Variants in TRIM9 observed in about 807,000 individuals in gnomAD.
TRIM9 encodes the protein E3 ubiquitin-protein ligase TRIM9.
Under a neutral mutation model 78.3 loss-of-function variants are expected in TRIM9, and 26 were observed. That is an observed-to-expected ratio of 0.33 (90% CI 0.24 to 0.46). The LOEUF is 0.46. Ranked by LOEUF, TRIM9 falls within the 20% of genes least tolerant of loss-of-function variation. The probability of loss-of-function intolerance (pLI) is 1.00; values close to 1 mark genes in which losing one functional copy is unlikely to be tolerated. For missense variants in TRIM9, 787 were observed against 1,036.4 expected, an observed-to-expected ratio of 0.76 and a Z score of 3.30; for synonymous variants, 398 against 416.5, an observed-to-expected ratio of 0.96 and a Z score of 0.54.
intron 1 of TRIM9, 102 bp downstream of exon 1, chr14:51,094,016 C>G (rs1420814558): frequency 4.1e-6 from 5 of 1,216,174 alleles, no homozygotes; most frequent in Non-Finnish European, 5.8e-6. Flanking sequence ...CTGCATTGCG[C>G]CCCCACTGGG....
chr14:51,026,904 T>C (rs2058282203), intron 1 of TRIM9, among the ~76,000 whole-genome samples: 1 of 152,212 alleles, frequency 6.6e-6, no homozygotes, highest in Admixed American at 6.5e-5. Flanking sequence ...CATTAATCAA[T>C]GTGAAAGCTT....
chr14:51,043,031 G>C (rs190856319), intron 1 of TRIM9, among the ~76,000 whole-genome samples: 1 of 152,168 alleles, frequency 6.6e-6, no homozygotes, highest in Non-Finnish European at 1.5e-5. Context: ...TTGCTTATAA[G>C]AGGTCCTAAA....
intron 7 of TRIM9, among the ~76,000 whole-genome samples, chr14:50,993,371 CTTT>C (rs35659590): frequency 2.8e-5 from 4 of 144,244 alleles, no homozygotes; most frequent in Admixed American, 6.9e-5. Context: ...CAACAAGACT[CTTT>C]TTTTTTTTTT....
intron 11 of TRIM9, 100 bp from the exon 12 acceptor site, chr14:50,979,649 A>G: frequency 1.0e-6 from 1 of 974,226 alleles, no homozygotes; most frequent in Non-Finnish European, 1.6e-6. Context: ...CCTGTTTATA[A>G]TCATCACTAC....
At chr14:51,000,525 A>G (rs1322381043) in intron 6 of TRIM9, among the ~76,000 whole-genome samples, 158 bp downstream of exon 6, 1 of 152,206 alleles carries the variant, frequency 6.6e-6, no homozygotes, top group East Asian at 1.9e-4. Flanking sequence ...CCTTCACGGT[A>G]GAGGGAGAAA....
intron 8 of TRIM9, among the ~76,000 whole-genome samples, chr14:50,985,277 C>T (rs1250432865): frequency 6.6e-6 from 1 of 152,170 alleles, no homozygotes; most frequent in African/African-American, 2.4e-5. Flanking sequence ...TTACTCAGAT[C>T]TTTGGTCATT....
At chr14:51,058,960 A>G (rs2061116637) in intron 1 of TRIM9, among the ~76,000 whole-genome samples, 1 of 152,226 alleles carries the variant, frequency 6.6e-6, no homozygotes, top group Non-Finnish European at 1.5e-5. Context: ...AGAAGGAAAG[A>G]AGGGTTGCGG....
At chr14:51,023,854 TG>T (rs2057987967) in intron 2 of TRIM9, among the ~76,000 whole-genome samples, 1 of 152,368 alleles carries the variant, frequency 6.6e-6, no homozygotes, top group South Asian at 2.1e-4. Context: ...TTGAGTAAAC[TG>T]TAAACTTTTG....
intron 7 of TRIM9, among the ~76,000 whole-genome samples, chr14:50,989,405 G>A (rs1355369749): frequency 6.6e-6 from 1 of 152,146 alleles, no homozygotes; most frequent in Non-Finnish European, 1.5e-5. Flanking sequence ...ATCACAATAT[G>A]GAGAAGGCTT....
intron 8 of TRIM9, among the ~76,000 whole-genome samples, chr14:50,984,956 T>C (rs749292549): frequency 1.3e-5 from 2 of 152,232 alleles, no homozygotes; most frequent in Non-Finnish European, 2.9e-5. Context: ...TAAAGACAGC[T>C]TGAAGTCCCT....
chr14:51,010,419 C>T lies in TRIM9; in HGVS notation c.1117G>A (p.Val373Met). 1 of 1,613,994 alleles carries T rather than the reference C, an allele frequency of 6.2e-7. No individual in the cohort carries two copies. Among genetic ancestry groups the T allele is most frequent in the African/African-American group, 1.3e-5 (1 of 74,992 alleles). ...CCACTAGGATCATTTTCCTTAATCA[C>T]CTCCAAGCAGTACTCCATGAGACCT... ...TTGLMEYCLE[V>M]IKENDPSGFL... The change falls in exon 4 of 13, where the codon GTG becomes ATG. Residue 373 changes from valine (V) to methionine (M), a missense_variant. Physicochemically the swap from Val to Met is conservative, Grantham distance 21. Around this residue, in one of 3 missense-constraint regions of TRIM9, gnomAD observed 14 missense variants for 49.8 expected, o/e 0.28. Transcript: ENST00000684578.
Position 50,998,157 on chromosome 14 carries a change from G to T in TRIM9, c.1496C>A (p.Thr499Asn). 1 of 1,614,176 alleles carries T rather than the reference G, an allele frequency of 6.2e-7. No homozygotes were observed. Among genetic ancestry groups the T allele is most frequent in the South Asian group, 1.1e-5 (1 of 91,082 alleles). ...EVYVGKETMC[T>N]VDGLHFNSTY... Reference sequence around the variant, plus strand: ...GCTGTTGAAGTGAAGACCATCCACAGTGCACATTGTCTCCTTCCCCACATA... The same window carrying T: ...GCTGTTGAAGTGAAGACCATCCACATTGCACATTGTCTCCTTCCCCACATA... Residue 499 changes from threonine (T) to asparagine (N), a missense_variant, in exon 7 of 13, where the codon ACT becomes AAT. Thr to Asn is a moderately conservative substitution (Grantham distance 65). Coordinates refer to ENST00000684578, the MANE Select transcript of TRIM9 (RefSeq NM_001387360.1).
intron 4 of TRIM9, 105 bp from the exon 5 acceptor site, chr14:51,009,338 G>GACTC: frequency 7.1e-7 from 1 of 1,411,918 alleles, no homozygotes; most frequent in Non-Finnish European, 9.7e-7. Flanking sequence ...CTGCCTTGAG[G>GACTC]ACTCATACTC....
chr14:51,013,117 T>A (rs2056765738), intron 3 of TRIM9, among the ~76,000 whole-genome samples: 1 of 152,246 alleles, frequency 6.6e-6, no homozygotes, highest in Admixed American at 6.5e-5. Context: ...TCCCAAAGGG[T>A]TCCCCCTGTG....
intron 5 of TRIM9, among the ~76,000 whole-genome samples, chr14:51,005,494 T>G (rs2055660134): frequency 6.6e-6 from 1 of 152,186 alleles, no homozygotes; most frequent in Non-Finnish European, 1.5e-5. Context: ...TTTGTGTACT[T>G]AGACAATTCT....
chr14:51,066,294 G>A (rs529459134), intron 1 of TRIM9, among the ~76,000 whole-genome samples: 1 of 152,210 alleles, frequency 6.6e-6, no homozygotes, highest in South Asian at 2.1e-4. Context: ...CATCCCCGTT[G>A]CTTCACTGAA....
chr14:51,059,951 G>A (rs765507859), intron 1 of TRIM9, among the ~76,000 whole-genome samples: 2 of 152,082 alleles, frequency 1.3e-5, no homozygotes, highest in Admixed American at 6.6e-5. Context: ...TGCAAATAAC[G>A]CATTAAATGG....
At chr14:51,027,688 TA>T (rs1185772421) in intron 1 of TRIM9, among the ~76,000 whole-genome samples, 1 of 152,126 alleles carries the variant, frequency 6.6e-6, no homozygotes, top group African/African-American at 2.4e-5. Flanking sequence ...TTATTTGGAG[TA>T]AAAGTTTCTC....
chr14:51,067,682 C>A (rs543111158), intron 1 of TRIM9, among the ~76,000 whole-genome samples: 3 of 152,096 alleles, frequency 2.0e-5, no homozygotes, highest in African/African-American at 7.2e-5. Context: ...CAGATCTTCA[C>A]AGAGGGCTGC....
Sources: gnomAD v4.1 joint callset for allele counts (sites outside exome capture counted in the v4.1 genomes callset) on GRCh38, gnomAD v4.1.1 for gene constraint, gnomAD v4.1.1 regional missense constraint, MANE v1.5 for transcripts, NCBI Gene and HGNC (gene_info 2026-07-23, HGNC 2026-07-21) for gene names.